The following LRMDA variants were observed in gnomAD, a reference collection of about 807,000 sequenced individuals.
LRMDA encodes leucine-rich melanocyte differentiation-associated protein.
Under a neutral mutation model 29.8 loss-of-function variants are expected in LRMDA, and 18 were observed. The ratio of observed to expected loss-of-function variants is 0.60; its 90% CI spans 0.42 to 0.90. LRMDA has a LOEUF of 0.90. LRMDA is among the 40% of genes least tolerant of loss of function. LRMDA has a pLI of 0.00. For synonymous variants in LRMDA, 125 were observed against 109.4 expected (o/e 1.14, Z -0.89); for missense variants, 273 against 273.9 (o/e 1.00, Z 0.02).
chr10:75,646,834 C>G (rs1038506899), intron 2 of LRMDA, among the ~76,000 whole-genome samples: 1 of 151,864 alleles, frequency 6.6e-6, no homozygotes, highest in Non-Finnish European at 1.5e-5. Context: ...AAGGTACTAA[C>G]GAAGTAATAT....
At chr10:75,889,404 G>A (rs1045610502) in intron 2 of LRMDA, among the ~76,000 whole-genome samples, 3 of 152,192 alleles carry the variant, frequency 2.0e-5, no homozygotes, top group Non-Finnish European at 2.9e-5. Context: ...TGCTGGTAGA[G>A]CATAGCCTTG....
chr10:76,363,170 A>AGG (rs1564520632), intron 6 of LRMDA, among the ~76,000 whole-genome samples: 284 of 20,008 alleles, frequency 0.014, 10 homozygotes, highest in Middle Eastern at 0.071. Flanking sequence ...AGAAAGAAAG[A>AGG]AAGAAAGGAG....
chr10:76,386,824 A>G (rs1380874335), intron 6 of LRMDA, among the ~76,000 whole-genome samples: 1 of 152,042 alleles, frequency 6.6e-6, no homozygotes, highest in African/African-American at 2.4e-5. Flanking sequence ...TAAATATTTT[A>G]TTCCTTTATT....
In LRMDA at chr10:76,042,906, C is replaced by A. The variant is rs117957547; in HGVS notation, c.259-4258C>A. ...TTATTACATTTTGGAGAAACTCTTA[C>A]ACATTTCTTTCATATATGATAGGAG... On this transcript the variant is annotated intron_variant, in intron 3 of 6. Coordinates refer to ENST00000611255, the MANE Select transcript of LRMDA (RefSeq NM_001305581.2). Among the ~76,000 whole-genome samples the A allele has an allele frequency of 1.4e-3, 215 of 152,248 alleles. 3 individuals carry two copies. Among genetic ancestry groups the A allele is most frequent in the Admixed American group, 5.6e-3 (85 of 15,304 alleles).
intron 2 of LRMDA, among the ~76,000 whole-genome samples, chr10:75,790,174 T>C (rs1173558367): frequency 2.0e-5 from 3 of 152,080 alleles, no homozygotes; most frequent in Non-Finnish European, 4.4e-5. Context: ...GTGGGGGCCG[T>C]CCTGTGCATT....
chr10:75,690,992 TATACACACACACAC>T (rs1414385845), intron 2 of LRMDA, among the ~76,000 whole-genome samples: 1 of 94,062 alleles, frequency 1.1e-5, no homozygotes, highest in East Asian at 4.0e-4. Flanking sequence ...TATATATATA[TATACACACACACAC>T]ACACACACAC....
At chr10:75,678,473 G>A (rs951113511) in intron 2 of LRMDA, among the ~76,000 whole-genome samples, 1 of 152,156 alleles carries the variant, frequency 6.6e-6, no homozygotes, top group Non-Finnish European at 1.5e-5. Flanking sequence ...TAATCCTGAT[G>A]CTCTCATTTA....
At chr10:76,455,597 G>A (rs1043746705) in intron 6 of LRMDA, among the ~76,000 whole-genome samples, 2 of 152,156 alleles carry the variant, frequency 1.3e-5, no homozygotes, top group Non-Finnish European at 2.9e-5. Flanking sequence ...CAAAAGGTCT[G>A]TTCTCCTTGT....
Position 75,532,180 on chromosome 10 carries a change from G to A in LRMDA, c.131+93686G>A, listed in dbSNP as rs575731120. 6.6e-5 allele frequency among the ~76,000 whole-genome samples: 10 copies of A among 151,866 alleles called. No individual in the cohort carries two copies. In the East Asian group the frequency reaches 1.5e-3, roughly 23 times the overall value. On this transcript the variant is annotated intron_variant, in intron 2 of 6. Transcript: ENST00000611255. Reference sequence around the variant, plus strand: ...TTGGGCTGTTATTTGTCTTGTTGCTGTCTTCATTATTTTCCTAACATCTCA... The same window carrying A: ...TTGGGCTGTTATTTGTCTTGTTGCTATCTTCATTATTTTCCTAACATCTCA...
chr10:75,918,152 C>T lies in LRMDA; in HGVS notation c.132-117856C>T, dbSNP rs569994548. Among the ~76,000 whole-genome samples, 20 of 152,288 alleles carry T rather than the reference C, an allele frequency of 1.3e-4. No individual in the cohort carries two copies. The East Asian group carries it at 1.9e-3, about 15-fold the overall frequency. On this transcript the variant is annotated intron_variant, in intron 2 of 6. Coordinates refer to ENST00000611255, the MANE Select transcript of LRMDA (RefSeq NM_001305581.2). ...AAATTAAGCATTCAGAGCAGTGTCACGGCTCACTGGGGTCGAGCAAGTAGA... is the reference window on the plus strand; with the variant it reads ...AAATTAAGCATTCAGAGCAGTGTCATGGCTCACTGGGGTCGAGCAAGTAGA...
intron 2 of LRMDA, among the ~76,000 whole-genome samples, chr10:76,010,207 A>G (rs1847751844): frequency 6.6e-6 from 1 of 152,030 alleles, no homozygotes; most frequent in African/African-American, 2.4e-5. Context: ...AAGACTTAAA[A>G]TGGCTTTGTG....
chr10:75,671,318 T>C (rs534856011), intron 2 of LRMDA, among the ~76,000 whole-genome samples: 1 of 152,316 alleles, frequency 6.6e-6, no homozygotes, highest in East Asian at 1.9e-4. Context: ...GGTATAAGGA[T>C]AGGGTTTGAG....
intron 5 of LRMDA, among the ~76,000 whole-genome samples, chr10:76,232,561 C>T (rs978609776): frequency 2.0e-5 from 3 of 152,126 alleles, no homozygotes; most frequent in Admixed American, 6.5e-5. Context: ...TCTTGGTCAC[C>T]GTGCAAGCTG....
At chr10:75,735,796 C>T (rs762222800) in intron 2 of LRMDA, among the ~76,000 whole-genome samples, 9 of 152,186 alleles carry the variant, frequency 5.9e-5, no homozygotes, top group Non-Finnish European at 1.0e-4. Flanking sequence ...AAGATATTCA[C>T]GAGTCCACCC....
intron 5 of LRMDA, among the ~76,000 whole-genome samples, chr10:76,138,905 AT>A (rs200178850): frequency 6.6e-6 from 1 of 151,982 alleles, no homozygotes; most frequent in East Asian, 1.9e-4. Context: ...GCTTTACATC[AT>A]TTTTTTTATA....
At chr10:75,768,417 G>A (rs964935898) in intron 2 of LRMDA, among the ~76,000 whole-genome samples, 12 of 152,168 alleles carry the variant, frequency 7.9e-5, no homozygotes, top group Non-Finnish European at 1.5e-4. Flanking sequence ...ATGGGTAAGG[G>A]AACTTTCAGG....
At position 75,623,823 on chromosome 10, in the gene LRMDA, G is replaced by A. The variant is rs28611413; in HGVS notation, c.131+185329G>A. Among the ~76,000 whole-genome samples, 453 of 152,292 alleles carry A rather than the reference G, an allele frequency of 3.0e-3. 2 individuals are homozygous for A. Among genetic ancestry groups the A allele is most frequent in the African/African-American group, 0.01 (433 of 41,546 alleles). ...AAAGTGGTTTCTTTTTAGCTGAGCA[G>A]CAAGCTAGAAAGCAACCGATTTTGA... On this transcript the variant is annotated intron_variant, in intron 2 of 6. Coordinates refer to ENST00000611255, the MANE Select transcript of LRMDA (RefSeq NM_001305581.2).
At chr10:75,573,150 A>G (rs1033104562) in intron 2 of LRMDA, among the ~76,000 whole-genome samples, 1 of 152,196 alleles carries the variant, frequency 6.6e-6, no homozygotes, top group Non-Finnish European at 1.5e-5. Flanking sequence ...ACTGGTAAGA[A>G]GTTTGCTGTA....
chr10:75,817,433 C>G (rs1844080540), intron 2 of LRMDA, among the ~76,000 whole-genome samples: 1 of 152,166 alleles, frequency 6.6e-6, no homozygotes, highest in South Asian at 2.1e-4. Context: ...ACCACATGAC[C>G]CTTGTTCTTT....
Sources: allele counts gnomAD v4.1 joint callset (sites outside exome capture counted in the v4.1 genomes callset), GRCh38; gene constraint gnomAD v4.1.1; transcripts MANE v1.5; gene names NCBI Gene and HGNC (gene_info 2026-07-23, HGNC 2026-07-21).